RPIA: variants seen among roughly 807,000 people sequenced by gnomAD.
RPIA encodes the protein ribose-5-phosphate isomerase.
A neutral mutation model predicts 37.8 loss-of-function variants in RPIA; 29 were observed. That is an observed-to-expected ratio of 0.77 (90% CI 0.57 to 1.05). The LOEUF is 1.05. RPIA is among the 50% of genes least tolerant of loss of function. The probability of loss-of-function intolerance (pLI) is 0.00; values close to 1 mark genes in which losing one functional copy is unlikely to be tolerated. For missense variants in RPIA, 385 were observed against 413.6 expected, an observed-to-expected ratio of 0.93 and a Z score of 0.60; for synonymous variants, 167 against 157.0, an observed-to-expected ratio of 1.06 and a Z score of -0.48.
At chr2:88,735,534 G>A in intron 5 of RPIA, 135 bp from the exon 6 acceptor site, 4 of 803,160 alleles carry the variant, frequency 5.0e-6, no homozygotes, top group Non-Finnish European at 6.6e-6. Flanking sequence ...GACTGGGGAT[G>A]TCCCTTTAAA....
chr2:88,738,806 G>T (rs1001337956), intron 8 of RPIA, among the ~76,000 whole-genome samples: 1 of 152,174 alleles, frequency 6.6e-6, no homozygotes, highest in African/African-American at 2.4e-5. Flanking sequence ...ACTTTGATGA[G>T]GTAGTTACAG....
At position 88,691,804 on chromosome 2, in the gene RPIA, C is replaced by A. The variant is rs201777997; in HGVS notation, c.106C>A (p.Leu36Ile). The A allele has an allele frequency of 3.1e-4, 499 of 1,595,144 alleles. 4 individuals are homozygous for A. In the African/African-American group the frequency reaches 6.0e-3, roughly 19 times the overall value. The change falls in exon 1 of 9, where the codon CTC becomes ATC. Residue 36 changes from leucine to isoleucine, a missense_variant. Transcript: ENST00000283646. ...CGGCGGAGGAGGGAACAGCTGGGAC[C>A]TCCCGGGTTCCCACGTGCGGCTGCC... ...ASGGGGNSWD[L>I]PGSHVRLPGR...
At chr2:88,718,055 T>C (rs1425521702) in intron 3 of RPIA, among the ~76,000 whole-genome samples, 2 of 152,176 alleles carry the variant, frequency 1.3e-5, no homozygotes, top group African/African-American at 4.8e-5. Flanking sequence ...AGCTTAGTTT[T>C]TGGTGACTCC....
chr2:88,712,930 A>C (rs889186045), intron 3 of RPIA, among the ~76,000 whole-genome samples: 3 of 150,608 alleles, frequency 2.0e-5, no homozygotes, highest in African/African-American at 7.3e-5. Context: ...GTGCAATGGC[A>C]TGATCTCACC....
chr2:88,692,973 T>A (rs10179543), intron 1 of RPIA, among the ~76,000 whole-genome samples: 1 of 152,054 alleles, frequency 6.6e-6, no homozygotes, highest in African/African-American at 2.4e-5. Context: ...GACCTTCTAC[T>A]CTTTCCACTG....
intron 1 of RPIA, among the ~76,000 whole-genome samples, chr2:88,693,276 A>G (rs1375971167): frequency 1.3e-5 from 2 of 152,242 alleles, no homozygotes; most frequent in Non-Finnish European, 2.9e-5. Context: ...TTTGTGTTAT[A>G]GTCATGTATT....
At chr2:88,711,237 A>G (rs1232546599) in intron 3 of RPIA, among the ~76,000 whole-genome samples, 1 of 152,226 alleles carries the variant, frequency 6.6e-6, no homozygotes, top group Non-Finnish European at 1.5e-5. Context: ...AAAGAAAAAC[A>G]CTCAGCTAGT....
chr2:88,722,540 T>G (rs1428501577), intron 3 of RPIA, among the ~76,000 whole-genome samples: 2 of 152,242 alleles, frequency 1.3e-5, no homozygotes, highest in South Asian at 2.1e-4. Flanking sequence ...TCCATCTTGC[T>G]TCTAACCTTT....
chr2:88,700,304 A>T (rs1384616868), intron 3 of RPIA, among the ~76,000 whole-genome samples: 1 of 152,188 alleles, frequency 6.6e-6, no homozygotes, highest in Non-Finnish European at 1.5e-5. Flanking sequence ...GAATGCAGAG[A>T]TGGCCCGGTA....
Position 88,750,839 on chromosome 2 carries a change from C to T in RPIA, c.*761C>T, listed in dbSNP as rs1032101224. On this transcript the variant is annotated 3_prime_UTR_variant, in exon 9 of 9. Coordinates refer to ENST00000283646, the MANE Select transcript of RPIA (RefSeq NM_144563.3). ...TTCTTTTTGTTATTAATATTTTTCT[C>T]TGTTCCTTTGTTATTACTTGCATGG... 5.0e-6 allele frequency: 2 copies of T among 397,986 alleles called. No homozygotes were observed. Among genetic ancestry groups the T allele is most frequent in the African/African-American group, 2.1e-5 (1 of 48,600 alleles). 24.7% of individuals were successfully genotyped at this position (397,986 alleles called of 1,614,324 possible).
intron 2 of RPIA, among the ~76,000 whole-genome samples, chr2:88,698,771 T>C (rs997307481): frequency 6.6e-6 from 1 of 152,226 alleles, no homozygotes; most frequent in African/African-American, 2.4e-5. Flanking sequence ...TGCCTTTGTT[T>C]ACTCTGCTCA....
intron 4 of RPIA, among the ~76,000 whole-genome samples, chr2:88,734,088 G>GTT (rs11389436): frequency 1.4e-5 from 2 of 142,830 alleles, no homozygotes; most frequent in Admixed American, 7.0e-5. Context: ...TTCTGAATCA[G>GTT]TTTTTTTTTT....
At chr2:88,743,354 G>A (rs896406154) in intron 8 of RPIA, among the ~76,000 whole-genome samples, 1 of 152,124 alleles carries the variant, frequency 6.6e-6, no homozygotes, top group Non-Finnish European at 1.5e-5. Context: ...ACTTGCATAT[G>A]TTAAACCATC....
intron 8 of RPIA, among the ~76,000 whole-genome samples, chr2:88,747,239 G>A (rs768274351): frequency 2.6e-5 from 4 of 152,048 alleles, no homozygotes; most frequent in Non-Finnish European, 5.9e-5. Context: ...GGAGAAAGCC[G>A]GCAGTGACAG....
At position 88,737,919 on chromosome 2, in the gene RPIA, G is replaced by T. The variant is rs1166976545; in HGVS notation, c.739-58G>T. ...CTTTGGTTATCCCCTCTACTTTCCT[G>T]TCCTTCTCTGCCTACCTGTATCTGC... On this transcript the variant is annotated intron_variant, in intron 7 of 8. Coordinates refer to ENST00000283646, the MANE Select transcript of RPIA (RefSeq NM_144563.3). The T allele has an allele frequency of 2.3e-6, 3 of 1,295,622 alleles. No individual in the cohort carries two copies. In the African/African-American group the frequency reaches 4.4e-5, roughly 19 times the overall value. 80.3% of individuals were successfully genotyped at this position (1,295,622 alleles called of 1,614,324 possible). A position where few individuals can be genotyped will look rare whatever the true frequency, so the allele number is the denominator to read the frequency against.
rs529373477 is a variant in RPIA at position 88,742,878 on chromosome 2, T to G, written c.838+4802T>G. ...TTGGTGTATAGCAGTGCCACTGATTTGTGCACATTGATTTTTGTATCCTGA... is the reference window on the plus strand; with the variant it reads ...TTGGTGTATAGCAGTGCCACTGATTGGTGCACATTGATTTTTGTATCCTGA... On this transcript the variant is annotated intron_variant, in intron 8 of 8. Transcript: ENST00000283646. 1.7e-4 allele frequency among the ~76,000 whole-genome samples: 26 copies of G among 152,338 alleles called. No homozygotes were observed. The South Asian group carries it at 5.4e-3, about 32-fold the overall frequency.
At chr2:88,724,019 A>G (rs951258914) in intron 3 of RPIA, among the ~76,000 whole-genome samples, 5 of 152,148 alleles carry the variant, frequency 3.3e-5, no homozygotes, top group Non-Finnish European at 7.4e-5. Context: ...TGCATTTATC[A>G]CAGTGAGCAG....
At chr2:88,702,096 A>AT (rs1234101078) in intron 3 of RPIA, among the ~76,000 whole-genome samples, 1 of 152,204 alleles carries the variant, frequency 6.6e-6, no homozygotes, top group Non-Finnish European at 1.5e-5. Context: ...TTAGCTGATG[A>AT]TTTATAATGT....
At chr2:88,735,810 G>A (rs1673308420) in intron 6 of RPIA, 73 bp downstream of exon 6, 1 of 1,435,596 alleles carries the variant, frequency 7.0e-7, no homozygotes, top group Admixed American at 1.7e-5. Context: ...CCATTTTTGT[G>A]AAAGAGGAAA....
Sources: allele counts gnomAD v4.1 joint callset (sites outside exome capture counted in the v4.1 genomes callset), GRCh38; gene constraint gnomAD v4.1.1; transcripts MANE v1.5; gene names NCBI Gene and HGNC (gene_info 2026-07-23, HGNC 2026-07-21).